Variants in BTBD9 observed in about 807,000 individuals in gnomAD.
BTBD9 encodes BTB domain containing 9, also known as BTB/POZ domain-containing protein 9.
A neutral mutation model predicts 64.3 loss-of-function variants in BTBD9; 49 were observed. The observed-to-expected ratio is 0.76, with a 90% CI of 0.61 to 0.97. The LOEUF is 0.97. Ranked by LOEUF, BTBD9 falls within the 50% of genes least tolerant of loss-of-function variation. The pLI, the probability that BTBD9 is intolerant of heterozygous loss-of-function variation, is 0.00. For synonymous variants in BTBD9, 260 were observed against 274.7 expected, an observed-to-expected ratio of 0.95 and a Z score of 0.53; for missense variants, 598 against 762.1, an observed-to-expected ratio of 0.78 and a Z score of 2.53.
intron 6 of BTBD9, among the ~76,000 whole-genome samples, chr6:38,502,300 T>G (rs780093671): frequency 1.3e-5 from 2 of 152,242 alleles, no homozygotes; most frequent in African/African-American, 2.4e-5. Flanking sequence ...TTACCTTCAT[T>G]TTGCTACCCA....
chr6:38,199,000 A>AG, intron 9 of BTBD9, among the ~76,000 whole-genome samples: 1 of 152,272 alleles, frequency 6.6e-6, no homozygotes. Flanking sequence ...GGAGGTGTGC[A>AG]GGGGGCTGAA....
At chr6:38,299,676 T>A (rs1382109976) in intron 7 of BTBD9, among the ~76,000 whole-genome samples, 4 of 152,250 alleles carry the variant, frequency 2.6e-5, no homozygotes, top group Admixed American at 6.5e-5. Context: ...TGTCTGTTCA[T>A]ATCCTTTGCC....
intron 6 of BTBD9, among the ~76,000 whole-genome samples, chr6:38,442,661 C>CTTT (rs11313452): frequency 0.021 from 1,217 of 57,492 alleles, 14 homozygotes; most frequent in Non-Finnish European, 0.026. Flanking sequence ...CATTTGTACT[C>CTTT]TTTTTTTTTT....
intron 6 of BTBD9, among the ~76,000 whole-genome samples, chr6:38,366,665 G>C (rs976498735): frequency 6.6e-6 from 1 of 152,212 alleles, no homozygotes; most frequent in Non-Finnish European, 1.5e-5. Flanking sequence ...CTCCTAAACA[G>C]TATCAAGCAC....
intron 6 of BTBD9, among the ~76,000 whole-genome samples, chr6:38,572,957 ATGCGTTAACAAAT>A (rs1479030533): frequency 6.6e-6 from 1 of 152,058 alleles, no homozygotes; most frequent in Non-Finnish European, 1.5e-5. Context: ...AACACTAAAA[ATGCGTTAACAAAT>A]TTCATATATG....
At chr6:38,598,219 T>C (rs1777117543) in intron 1 of BTBD9, 98 bp from the exon 2 acceptor site, 2 of 903,436 alleles carry the variant, frequency 2.2e-6, no homozygotes, top group South Asian at 2.0e-5. Context: ...TTAAAGTGCT[T>C]AGAAAAATTC....
chr6:38,383,508 C>T (rs1766024968), intron 6 of BTBD9, among the ~76,000 whole-genome samples: 1 of 152,152 alleles, frequency 6.6e-6, no homozygotes, highest in African/African-American at 2.4e-5. Flanking sequence ...CATTTCTATA[C>T]ATTCTGCAGC....
chr6:38,476,423 A>C (rs943563459), intron 6 of BTBD9, among the ~76,000 whole-genome samples: 2 of 152,198 alleles, frequency 1.3e-5, no homozygotes, highest in African/African-American at 4.8e-5. Flanking sequence ...TCACTGATGA[A>C]TAATTATTCT....
At chr6:38,320,197 G>C (rs1240975430) in intron 7 of BTBD9, among the ~76,000 whole-genome samples, 1 of 152,124 alleles carries the variant, frequency 6.6e-6, no homozygotes. Context: ...CCTTTTCAGT[G>C]CCTCTTTCAG....
intron 6 of BTBD9, among the ~76,000 whole-genome samples, chr6:38,494,129 C>G (rs1264353108): frequency 2.0e-5 from 3 of 152,202 alleles, no homozygotes; most frequent in Non-Finnish European, 2.9e-5. Flanking sequence ...TGCAGTAGCA[C>G]AGCGCCCTCC....
chr6:38,358,698 G>C (rs2127596684), intron 6 of BTBD9, among the ~76,000 whole-genome samples: 1 of 151,988 alleles, frequency 6.6e-6, no homozygotes, highest in Middle Eastern at 3.4e-3. Context: ...TTGTTTGTTT[G>C]CTTTCCTGAG....
At chr6:38,599,648 T>C (rs1177653902) in intron 1 of BTBD9, among the ~76,000 whole-genome samples, 1 of 152,200 alleles carries the variant, frequency 6.6e-6, no homozygotes, top group Non-Finnish European at 1.5e-5. Context: ...AGCTCTCCAG[T>C]TGAACCACAA....
At chr6:38,538,923 A>G (rs1336322741) in intron 6 of BTBD9, among the ~76,000 whole-genome samples, 1 of 152,066 alleles carries the variant, frequency 6.6e-6, no homozygotes, top group Non-Finnish European at 1.5e-5. Context: ...AGCTGGGACA[A>G]CAGGCACACA....
intron 9 of BTBD9, among the ~76,000 whole-genome samples, chr6:38,252,397 A>G (rs763575976): frequency 1.3e-5 from 2 of 152,216 alleles, no homozygotes; most frequent in African/African-American, 2.4e-5. Flanking sequence ...TATCATTTAC[A>G]TATCTTCTAT....
intron 8 of BTBD9, among the ~76,000 whole-genome samples, chr6:38,262,050 T>C (rs1370687666): frequency 1.3e-5 from 2 of 152,272 alleles, no homozygotes; most frequent in Non-Finnish European, 2.9e-5. Flanking sequence ...TGCTTTTCCA[T>C]TGAGAGGAAT....
intron 7 of BTBD9, among the ~76,000 whole-genome samples, chr6:38,318,662 A>T (rs1284219811): frequency 1.3e-5 from 2 of 152,200 alleles, no homozygotes; most frequent in African/African-American, 4.8e-5. Context: ...CTGGGGGAAG[A>T]GTGACACAAA....
intron 4 of BTBD9, among the ~76,000 whole-genome samples, chr6:38,581,900 G>C (rs1467356479): frequency 6.6e-6 from 1 of 152,066 alleles, no homozygotes; most frequent in Non-Finnish European, 1.5e-5. Flanking sequence ...ATATTAAAAA[G>C]CACACGATAA....
chr6:38,304,108 T>C (rs1393092133), intron 7 of BTBD9, among the ~76,000 whole-genome samples: 2 of 151,774 alleles, frequency 1.3e-5, no homozygotes, highest in Admixed American at 6.6e-5. Context: ...CATGTATGTA[T>C]ATATATCAGT....
At chr6:38,368,384 G>C (rs1273148632) in intron 6 of BTBD9, among the ~76,000 whole-genome samples, 1 of 152,082 alleles carries the variant, frequency 6.6e-6, no homozygotes, top group Non-Finnish European at 1.5e-5. Context: ...GCCCAGGCTA[G>C]AGTGCAGTGG....
Sources: gnomAD v4.1 joint callset for allele counts (sites outside exome capture counted in the v4.1 genomes callset) on GRCh38, gnomAD v4.1.1 for gene constraint, MANE v1.5 for transcripts, NCBI Gene and HGNC (gene_info 2026-07-23, HGNC 2026-07-21) for gene names.